The following FRAS1 variants were observed in gnomAD, a reference collection of about 807,000 sequenced individuals.
FRAS1 encodes extracellular matrix organizing protein FRAS1.
A neutral mutation model predicts 435.2 loss-of-function variants in FRAS1; 290 were observed. That is an observed-to-expected ratio of 0.67 (90% CI 0.61 to 0.73). FRAS1 has a LOEUF of 0.73. Among genes scored for constraint, FRAS1 ranks in the 30% least tolerant of loss-of-function variants. FRAS1 has a pLI of 0.00. For missense variants in FRAS1, 4,860 were observed against 5,001.5 expected (o/e 0.97, Z 0.85); for synonymous variants, 1,800 against 1,851.0 (o/e 0.97, Z 0.71).
chr4:78,181,901 G>C (rs972529170), intron 2 of FRAS1: 24 of 1,611,152 alleles, frequency 1.5e-5, no homozygotes, highest in Non-Finnish European at 1.9e-5. Flanking sequence ...CTTGGCCCCA[G>C]GGCCCCCAAC....
chr4:78,455,578 T>C (rs771596048), intron 47 of FRAS1, among the ~76,000 whole-genome samples: 6 of 152,182 alleles, frequency 3.9e-5, no homozygotes, highest in Non-Finnish European at 7.3e-5. Flanking sequence ...AACTGGGAAA[T>C]AGACTTATTT....
intron 29 of FRAS1, among the ~76,000 whole-genome samples, chr4:78,397,669 C>T (rs1732725991): frequency 6.6e-6 from 1 of 152,200 alleles, no homozygotes; most frequent in African/African-American, 2.4e-5. Flanking sequence ...GAGATCCACA[C>T]AATGGTTACT....
At chr4:78,098,791 T>C (rs1741958506) in intron 2 of FRAS1, among the ~76,000 whole-genome samples, 1 of 152,222 alleles carries the variant, frequency 6.6e-6, no homozygotes, top group Non-Finnish European at 1.5e-5. Context: ...AAATAGTCAG[T>C]CAAGTAATAT....
rs1239683060 is a variant in FRAS1 at position 78,068,537 on chromosome 4, T to C, written c.108+2521T>C. 1.8e-5 allele frequency: 8 copies of C among 456,268 alleles called. No homozygotes were observed. The East Asian group carries it at 5.6e-4, about 32-fold the overall frequency. 28.3% of individuals were successfully genotyped at this position (456,268 alleles called of 1,614,324 possible). On this transcript the variant is annotated intron_variant, in intron 2 of 73. Coordinates refer to ENST00000512123, the MANE Select transcript of FRAS1 (RefSeq NM_025074.7). ...AGCATGGTGAGCCTTGTGCAGACTT[T>C]AGCTTGTCCTTTCAGGAAGGTGGAT...
At chr4:78,453,288 A>C (rs1185432806) in intron 47 of FRAS1, among the ~76,000 whole-genome samples, 4 of 152,202 alleles carry the variant, frequency 2.6e-5, no homozygotes, top group African/African-American at 9.6e-5. Context: ...GAAAGCTTTC[A>C]CATTTGGCCA....
chr4:78,062,912 A>G (rs1739821795), intron 1 of FRAS1, among the ~76,000 whole-genome samples: 1 of 152,162 alleles, frequency 6.6e-6, no homozygotes, highest in Non-Finnish European at 1.5e-5. Context: ...TCTCAGCTGC[A>G]TTCTGTGCCT....
At chr4:78,365,757 A>C (rs202214533) in intron 22 of FRAS1, among the ~76,000 whole-genome samples, 2 of 106,654 alleles carry the variant, frequency 1.9e-5, no homozygotes, top group Admixed American at 8.7e-5. Context: ...AAAACAAAAA[A>C]AAAAAACAGC....
intron 5 of FRAS1, among the ~76,000 whole-genome samples, chr4:78,253,138 G>T (rs1725623636): frequency 3.3e-5 from 5 of 152,116 alleles, no homozygotes; most frequent in Admixed American, 3.3e-4. Context: ...CTTCCTCAGG[G>T]TATTCCTTGC....
chr4:78,143,620 G>T (rs1720281541), intron 2 of FRAS1, among the ~76,000 whole-genome samples: 1 of 152,020 alleles, frequency 6.6e-6, no homozygotes, highest in Non-Finnish European at 1.5e-5. Context: ...CTCTAGCTAG[G>T]TTCAGTAGCT....
chr4:78,079,418 A>T (rs2109872854), intron 2 of FRAS1, among the ~76,000 whole-genome samples: 1 of 152,242 alleles, frequency 6.6e-6, no homozygotes, highest in Middle Eastern at 3.4e-3. Flanking sequence ...TTTCTCAAAG[A>T]TAGGAGCAAA....
At position 78,255,176 on chromosome 4, in the gene FRAS1, A is replaced by G. The variant is rs555434223; in HGVS notation, c.470-66A>G. 1.0e-4 allele frequency: 156 copies of G among 1,517,476 alleles called. No individual in the cohort carries two copies. In the East Asian group the frequency reaches 3.7e-3, roughly 36 times the overall value. The allele number at this position is 1,517,476 out of a possible 1,614,324, so 94.0% of individuals were successfully genotyped here. ...GACCAACTGCACTGGCTGCACGCCC[A>G]TGCAGTCAGCCCTGGGATCAACAAA... On this transcript the variant is annotated intron_variant, in intron 5 of 73. Transcript: ENST00000512123.
intron 14 of FRAS1, 88 bp from the exon 15 acceptor site, chr4:78,307,978 C>G (rs1728855902): frequency 7.5e-7 from 1 of 1,339,020 alleles, no homozygotes; most frequent in East Asian, 2.5e-5. Flanking sequence ...CTGACATCCT[C>G]CTTGTGTATT....
intron 14 of FRAS1, among the ~76,000 whole-genome samples, chr4:78,296,807 T>C (rs966052123): frequency 6.6e-6 from 1 of 152,220 alleles, no homozygotes; most frequent in Non-Finnish European, 1.5e-5. Flanking sequence ...AAAATTACTT[T>C]GATTTTGACA....
At position 78,318,938 on chromosome 4, in the gene FRAS1, G is replaced by A; in HGVS notation, c.2089G>A (p.Ala697Thr). ...GGGCATCCCCTCTGGCGAGTGTCTA[G>A]CCCAGTGTAGAGCCCATTTTTACTT... ...DVGIPSGECL[A>T]QCRAHFYLES... The change falls in exon 18 of 74, where the codon GCC (alanine) becomes ACC (threonine). Residue 697 changes from alanine (A) to threonine (T), a missense_variant. By Grantham distance (58) the Ala-to-Thr change is moderately conservative. Transcript: ENST00000512123. The A allele has an allele frequency of 6.2e-7, 1 of 1,613,982 alleles. No individual in the cohort carries two copies. The highest frequency in any genetic ancestry group is 8.5e-7 in the Non-Finnish European group (1 of 1,179,864).
intron 2 of FRAS1, among the ~76,000 whole-genome samples, chr4:78,176,193 T>C (rs1256041828): frequency 6.6e-6 from 1 of 152,252 alleles, no homozygotes; most frequent in African/African-American, 2.4e-5. Context: ...TTACTTCATG[T>C]ATCAACATCT....
At chr4:78,513,131 A>T (rs1721090564) in intron 64 of FRAS1, among the ~76,000 whole-genome samples, 2 of 150,368 alleles carry the variant, frequency 1.3e-5, no homozygotes, top group Admixed American at 1.3e-4. Context: ...TTGTGATGTT[A>T]TCTTTTCCTG....
chr4:78,308,818 ATC>A (rs1002257443), intron 15 of FRAS1, among the ~76,000 whole-genome samples: 10 of 152,330 alleles, frequency 6.6e-5, no homozygotes, highest in Non-Finnish European at 8.8e-5. Context: ...ACATTAGTCA[ATC>A]TCTGTGCATG....
chr4:78,065,992 T>A lies in FRAS1; in HGVS notation c.84T>A (p.Cys28Ter), dbSNP rs1228440067. The A allele has an allele frequency of 6.2e-7, 1 of 1,607,176 alleles. No homozygotes were observed. The highest frequency in any genetic ancestry group is 1.7e-5 in the Admixed American group (1 of 59,832). ...AVLPHHSEGA[C>*]VYQDSLLADA... ...TTTTGTTTTTCCCCACAGGTGCTTG[T>A]GTCTATCAGGATTCCTTGTTGGCGG... Residue 28 changes from cysteine to a stop codon, truncating the protein, a stop_gained, in exon 2 of 74, where the codon TGT (cysteine) becomes TGA (stop). Transcript: ENST00000512123. LOFTEE classifies it high-confidence loss of function.
chr4:78,252,111 G>A (rs1434019353), intron 4 of FRAS1, among the ~76,000 whole-genome samples: 1 of 152,062 alleles, frequency 6.6e-6, no homozygotes, highest in African/African-American at 2.4e-5. Flanking sequence ...TAGGAGATTA[G>A]GTTATTTTTA....
Sources: gnomAD v4.1 joint callset for allele counts (sites outside exome capture counted in the v4.1 genomes callset) on GRCh38, gnomAD v4.1.1 for gene constraint, MANE v1.5 for transcripts, NCBI Gene and HGNC (gene_info 2026-07-23, HGNC 2026-07-21) for gene names.